The following RPS6KA5 variants were observed in gnomAD, a reference collection of about 807,000 sequenced individuals.
The protein encoded by RPS6KA5 is ribosomal protein S6 kinase alpha-5.
RPS6KA5 carries 27 observed loss-of-function variants against 85.5 expected under a neutral mutation model. The observed-to-expected ratio is 0.32, with a 90% CI of 0.23 to 0.44. RPS6KA5 has a LOEUF of 0.44. RPS6KA5 is among the 20% of genes least tolerant of loss of function. The pLI, the probability that RPS6KA5 is intolerant of heterozygous loss-of-function variation, is 1.00. For synonymous variants in RPS6KA5, 334 were observed against 348.2 expected (o/e 0.96, Z 0.46); for missense variants, 811 against 980.9 (o/e 0.83, Z 2.31).
In RPS6KA5 at chr14:90,867,514, C is replaced by G. The variant is rs2032851462; in HGVS notation, c.*4560G>C. On this transcript the variant is annotated 3_prime_UTR_variant, in exon 17 of 17. Coordinates refer to ENST00000614987, the MANE Select transcript of RPS6KA5 (RefSeq NM_004755.4). ...ACTTATCTGAAGTATTCAATACTTT[C>G]TGATAACCCAAGCAGCATTATATTA... 6.6e-6 allele frequency: 1 copy of G among 152,166 alleles called. No homozygotes were observed. Among genetic ancestry groups the G allele is most frequent in the Non-Finnish European group, 1.5e-5 (1 of 68,004 alleles). 9.4% of individuals were successfully genotyped at this position (152,166 alleles called of 1,614,324 possible). A position where few individuals can be genotyped will look rare whatever the true frequency, so the allele number is the denominator to read the frequency against.
rs562360365 is a variant in RPS6KA5 at position 90,873,662 on chromosome 14, G to T, written c.2130C>A (p.Ala710=). 1 of 1,614,114 alleles carries T rather than the reference G, an allele frequency of 6.2e-7. No homozygotes were observed. The change falls in exon 16 of 17, where the codon GCC becomes GCA. Residue 710 remains alanine, a synonymous_variant. Transcript: ENST00000614987. The part of the protein sequence containing the change: ...TPDILGSSGA[A]VHTCVKATFH... ...AGGTTGCTTTCACACAGGTATGCAC[G>T]GCAGCTCCGGAAGATCCTAGAATAT...
At chr14:90,901,957 G>A (rs986161538) in intron 9 of RPS6KA5, among the ~76,000 whole-genome samples, 1 of 152,190 alleles carries the variant, frequency 6.6e-6, no homozygotes, top group East Asian at 1.9e-4. Flanking sequence ...CAAGGCAGGA[G>A]GATCGCTTGA....
intron 3 of RPS6KA5, among the ~76,000 whole-genome samples, chr14:90,949,680 C>T (rs1165046007): frequency 6.6e-6 from 1 of 152,164 alleles, no homozygotes; most frequent in African/African-American, 2.4e-5. Flanking sequence ...AACTGATGGA[C>T]CTGAACTAGA....
chr14:90,953,510 A>T (rs1038385484), intron 3 of RPS6KA5, among the ~76,000 whole-genome samples: 8 of 152,242 alleles, frequency 5.3e-5, no homozygotes, highest in Admixed American at 5.2e-4. Flanking sequence ...GAACAAGGGA[A>T]GATAACTATA....
chr14:91,032,802 A>G (rs2042240443), intron 1 of RPS6KA5, among the ~76,000 whole-genome samples: 1 of 152,144 alleles, frequency 6.6e-6, no homozygotes, highest in Non-Finnish European at 1.5e-5. Context: ...AAAAAAAGAA[A>G]AACATACAAC....
chr14:90,951,260 G>C (rs545798185), intron 3 of RPS6KA5, among the ~76,000 whole-genome samples: 20 of 152,108 alleles, frequency 1.3e-4, no homozygotes, highest in Non-Finnish European at 2.2e-4. Context: ...GAGGCGGGCG[G>C]GTCACCAGGT....
intron 1 of RPS6KA5, among the ~76,000 whole-genome samples, chr14:91,051,780 T>C (rs1178304196): frequency 1.3e-5 from 2 of 150,156 alleles, no homozygotes; most frequent in African/African-American, 2.4e-5. Flanking sequence ...TGAGCCACCA[T>C]GTCTGGCCGA....
intron 2 of RPS6KA5, among the ~76,000 whole-genome samples, chr14:90,992,067 T>G (rs1286059): frequency 0.8 from 121,312 of 152,024 alleles, 48,793 homozygotes; most frequent in East Asian, 0.97. Flanking sequence ...ATCTGATGAG[T>G]CTTTCCTATT....
chr14:90,983,023 G>C (rs1034913027), intron 2 of RPS6KA5, among the ~76,000 whole-genome samples: 4 of 152,030 alleles, frequency 2.6e-5, no homozygotes, highest in African/African-American at 9.7e-5. Flanking sequence ...TGACGCAGGA[G>C]GATGGCATGA....
rs1299202832 is a variant in RPS6KA5, at chr14:90,864,445, A to C, written c.*7629T>G. On this transcript the variant is annotated 3_prime_UTR_variant, in exon 17 of 17. Transcript: ENST00000614987. ...ATGAGCCACCTCACCCGGCCAATAAAGCTTTTAGAAGAATATAAGAATATC... is the reference window on the plus strand; with the variant it reads ...ATGAGCCACCTCACCCGGCCAATAACGCTTTTAGAAGAATATAAGAATATC... 2 of 152,172 alleles carry C rather than the reference A, an allele frequency of 1.3e-5. No homozygotes were observed. 9.4% of individuals were successfully genotyped at this position (152,172 alleles called of 1,614,324 possible).
At chr14:90,942,932 T>G in intron 5 of RPS6KA5, 146 bp downstream of exon 5, 1 of 631,920 alleles carries the variant, frequency 1.6e-6, no homozygotes, top group Non-Finnish European at 2.8e-6. Context: ...AATTTTAAAC[T>G]AAAAATCTCT....
chr14:90,876,890 G>A (rs1421598033), intron 14 of RPS6KA5, among the ~76,000 whole-genome samples: 3 of 152,168 alleles, frequency 2.0e-5, no homozygotes, highest in East Asian at 3.8e-4. Context: ...TTCTGGTCAC[G>A]TTTCTGACAA....
rs1311298079 is a variant in RPS6KA5, at chr14:90,860,654, A to G, written c.*11420T>C. On this transcript the variant is annotated 3_prime_UTR_variant, in exon 17 of 17. Coordinates refer to ENST00000614987, the MANE Select transcript of RPS6KA5 (RefSeq NM_004755.4). ...AATGATTAGATGGGTATATTACATG[A>G]TACATGAATTTTATCTTAAAAAAAT... 1 of 152,216 alleles carries G rather than the reference A, an allele frequency of 6.6e-6. No homozygotes were observed. Among genetic ancestry groups the G allele is most frequent in the East Asian group, 1.9e-4 (1 of 5,200 alleles). The allele number at this position is 152,216 out of a possible 1,614,324, so 9.4% of individuals were successfully genotyped here. A position where few individuals can be genotyped will look rare whatever the true frequency, so the allele number is the denominator to read the frequency against.
intron 2 of RPS6KA5, among the ~76,000 whole-genome samples, chr14:90,987,813 C>T (rs1456783625): frequency 6.6e-6 from 1 of 152,192 alleles, no homozygotes; most frequent in Non-Finnish European, 1.5e-5. Context: ...GCTCATTAGA[C>T]ACTATCATAA....
intron 5 of RPS6KA5, among the ~76,000 whole-genome samples, chr14:90,926,664 A>AGT (rs59637202): frequency 0.54 from 77,657 of 143,098 alleles, 20,822 homozygotes; most frequent in Non-Finnish European, 0.61. Context: ...TATATATTTA[A>AGT]GTGTGTGTGT....
intron 5 of RPS6KA5, among the ~76,000 whole-genome samples, chr14:90,926,647 A>G (rs138986420): frequency 2.7e-4 from 36 of 135,496 alleles, no homozygotes; most frequent in African/African-American, 8.8e-4. Flanking sequence ...ATGTATGTGT[A>G]TATATATATA....
chr14:90,991,601 C>A (rs1164775907), intron 2 of RPS6KA5, among the ~76,000 whole-genome samples: 2 of 149,050 alleles, frequency 1.3e-5, no homozygotes, highest in African/African-American at 4.9e-5. Context: ...ACTCGGGAGG[C>A]TGAGGCAGGA....
intron 5 of RPS6KA5, among the ~76,000 whole-genome samples, chr14:90,941,467 T>C (rs1401787852): frequency 1.3e-5 from 2 of 152,204 alleles, no homozygotes; most frequent in Non-Finnish European, 2.9e-5. Flanking sequence ...TGTGTGTCCA[T>C]TTTCACCATA....
In RPS6KA5 at chr14:90,855,501, G is replaced by C. The variant is rs1379911403; in HGVS notation, c.*16573C>G. On this transcript the variant is annotated 3_prime_UTR_variant, in exon 17 of 17. Transcript: ENST00000614987. ...CGCTTAGGCTGGAGTGCAATGGCGT[G>C]ATCTCGGCTCACTGCAACCTCTGCT... 1 of 152,256 alleles carries C rather than the reference G, an allele frequency of 6.6e-6. No individual in the cohort carries two copies. Among genetic ancestry groups the C allele is most frequent in the Non-Finnish European group, 1.5e-5 (1 of 68,156 alleles). 9.4% of individuals were successfully genotyped at this position (152,256 alleles called of 1,614,324 possible).
Sources: allele counts gnomAD v4.1 joint callset (sites outside exome capture counted in the v4.1 genomes callset), GRCh38; gene constraint gnomAD v4.1.1; transcripts MANE v1.5; gene names NCBI Gene and HGNC (gene_info 2026-07-23, HGNC 2026-07-21).